CNTN6: variants seen among roughly 807,000 people sequenced by gnomAD.
The protein encoded by CNTN6 is contactin 6.
A neutral mutation model predicts 122.8 loss-of-function variants in CNTN6; 137 were observed. The observed-to-expected ratio is 1.12, with a 90% CI of 0.97 to 1.29. CNTN6 has a LOEUF of 1.29. CNTN6 is among the 50% of genes most tolerant of loss of function. CNTN6 has a pLI of 0.00. For synonymous variants in CNTN6, 570 were observed against 426.0 expected (o/e 1.34, Z -4.16); for missense variants, 1,634 against 1,223.4 (o/e 1.34, Z -5.01).
intron 2 of CNTN6, among the ~76,000 whole-genome samples, chr3:1,162,122 C>A (rs1442186178): frequency 1.3e-5 from 2 of 152,098 alleles, no homozygotes; most frequent in Non-Finnish European, 2.9e-5. Context: ...GCTCACTTTG[C>A]CAGAAGCTCA....
At chr3:1,177,545 T>C (rs2093473530) in intron 2 of CNTN6, among the ~76,000 whole-genome samples, 1 of 152,134 alleles carries the variant, frequency 6.6e-6, no homozygotes, top group Non-Finnish European at 1.5e-5. Context: ...CCTGAAGAAA[T>C]TTTTAAAATA....
At chr3:1,303,481 G>C (rs530163713) in intron 7 of CNTN6, among the ~76,000 whole-genome samples, 1 of 152,142 alleles carries the variant, frequency 6.6e-6, no homozygotes, top group African/African-American at 2.4e-5. Context: ...ATTTTAGCTA[G>C]TACCTTTGCT....
intron 5 of CNTN6, among the ~76,000 whole-genome samples, chr3:1,289,631 C>T (rs1451083748): frequency 6.6e-6 from 1 of 151,776 alleles, no homozygotes; most frequent in Non-Finnish European, 1.5e-5. Flanking sequence ...TGTGATGATG[C>T]AGAGGAGACT....
intron 6 of CNTN6, among the ~76,000 whole-genome samples, chr3:1,296,595 G>A (rs1225089246): frequency 6.6e-6 from 1 of 152,132 alleles, no homozygotes; most frequent in African/African-American, 2.4e-5. Flanking sequence ...TCTCCCCTCT[G>A]AAGAGTTGAA....
At chr3:1,103,064 C>T (rs889588529) in intron 1 of CNTN6, among the ~76,000 whole-genome samples, 10 of 151,932 alleles carry the variant, frequency 6.6e-5, no homozygotes, top group African/African-American at 2.4e-4. Flanking sequence ...CAAGATGGCG[C>T]CACCGCACTC....
intron 1 of CNTN6, among the ~76,000 whole-genome samples, chr3:1,098,804 ATATATATATATATAGT>A (rs1272598169): frequency 1.5e-5 from 2 of 129,334 alleles, no homozygotes; most frequent in African/African-American, 7.0e-5. Flanking sequence ...ATATATATAT[ATATATATATATATAGT>A]GGGAAATTTT....
chr3:1,316,082 C>T (rs956960837), intron 7 of CNTN6, among the ~76,000 whole-genome samples: 3 of 151,912 alleles, frequency 2.0e-5, no homozygotes, highest in Non-Finnish European at 2.9e-5. Context: ...AACACTCAAA[C>T]ATATTGTTTA....
rs752981481 is a variant in CNTN6, at chr3:1,297,951, A to T, written c.721A>T (p.Lys241Ter). The change falls in exon 7 of 23, where the codon AAG becomes TAG. Residue 241 changes from lysine (K) to a stop codon, truncating the protein, a stop_gained. Coordinates refer to ENST00000446702, the MANE Select transcript of CNTN6 (RefSeq NM_001289080.2). LOFTEE classifies it high-confidence loss of function. ...TTTTCCTGAAACTATACAAGCTGCA[A>T]AGGATTCATCTGTAAAACTGGAATG... ...VRFPETIQAA[K>*]DSSVKLECFA... 2 of 1,612,794 alleles carry T rather than the reference A, an allele frequency of 1.2e-6. No homozygotes were observed. Among genetic ancestry groups the T allele is most frequent in the Admixed American group, 3.3e-5 (2 of 59,968 alleles).
At chr3:1,128,866 T>C (rs1412636445) in intron 1 of CNTN6, among the ~76,000 whole-genome samples, 2 of 152,054 alleles carry the variant, frequency 1.3e-5, no homozygotes, top group African/African-American at 4.8e-5. Flanking sequence ...CTTTTAATAG[T>C]TCAAGCTTTC....
At chr3:1,301,320 C>A (rs1697376100) in intron 7 of CNTN6, among the ~76,000 whole-genome samples, 1 of 152,048 alleles carries the variant, frequency 6.6e-6, no homozygotes, top group Middle Eastern at 3.2e-3. Context: ...CAAGCGTGAG[C>A]CACTGTGCCC....
At position 1,243,460 on chromosome 3, in the gene CNTN6, G is replaced by A. The variant is rs552446713; in HGVS notation, c.358+15467G>A. 4.3e-3 allele frequency among the ~76,000 whole-genome samples: 658 copies of A among 152,180 alleles called. 33 individuals carry two copies. The highest frequency in any genetic ancestry group is 0.036 in the Admixed American group (553 of 15,278). On this transcript the variant is annotated intron_variant, in intron 4 of 22. Transcript: ENST00000446702. The stretch of plus-strand genomic sequence containing the variant: ...AATCCTGTTGTGGGGTTTGAGGGCC[G>A]GAATTTAATTTTTGGAGTTTTATTT...
chr3:1,096,484 C>G (rs943170778), intron 1 of CNTN6, among the ~76,000 whole-genome samples: 10 of 152,162 alleles, frequency 6.6e-5, no homozygotes, highest in Admixed American at 1.3e-4. Context: ...TGTTGTATCT[C>G]ATTTGTCTAC....
chr3:1,212,166 A>G (rs943726482), intron 2 of CNTN6, among the ~76,000 whole-genome samples: 2 of 151,930 alleles, frequency 1.3e-5, no homozygotes, highest in African/African-American at 4.8e-5. Flanking sequence ...AATATTGTAC[A>G]ATTTTCATAT....
At chr3:1,400,437 G>T (rs1018753350) in intron 20 of CNTN6, among the ~76,000 whole-genome samples, 2 of 152,034 alleles carry the variant, frequency 1.3e-5, no homozygotes, top group African/African-American at 4.8e-5. Context: ...TACTTTAGAA[G>T]CCAGATTCTA....
chr3:1,115,087 A>T (rs73103502), intron 1 of CNTN6, among the ~76,000 whole-genome samples: 8,583 of 152,250 alleles, frequency 0.056, 820 homozygotes, highest in African/African-American at 0.19. Context: ...GACCAAAAAA[A>T]TAGCAGAAAG....
At chr3:1,136,939 G>T (rs2092490469) in intron 1 of CNTN6, among the ~76,000 whole-genome samples, 2 of 152,186 alleles carry the variant, frequency 1.3e-5, no homozygotes, top group South Asian at 2.1e-4. Context: ...CCGTGAAGAT[G>T]AAATGAGGCA....
chr3:1,177,803 G>GT (rs1371795015), intron 2 of CNTN6, among the ~76,000 whole-genome samples: 2 of 150,672 alleles, frequency 1.3e-5, no homozygotes, highest in East Asian at 3.9e-4. Flanking sequence ...TTCTTTATTG[G>GT]TAAGATTTTC....
intron 1 of CNTN6, among the ~76,000 whole-genome samples, chr3:1,099,233 C>T (rs951679284): frequency 7.2e-5 from 11 of 151,976 alleles, no homozygotes; most frequent in East Asian, 1.9e-4. Flanking sequence ...GGGCGGATCA[C>T]GAGGTCAGGA....
Position 1,278,528 on chromosome 3 carries a change from G to T in CNTN6, c.454+20G>T. On this transcript the variant is annotated intron_variant, in intron 5 of 22. Transcript: ENST00000446702. ...TTGGAGGTATGATGGGGTGATTTGG[G>T]TCATATCATCAATGCGGTCACTTGG... 6.4e-7 allele frequency: 1 copy of T among 1,563,884 alleles called. No homozygotes were observed. Among genetic ancestry groups the T allele is most frequent in the Non-Finnish European group, 8.8e-7 (1 of 1,137,124 alleles).
Sources: allele counts gnomAD v4.1 joint callset (sites outside exome capture counted in the v4.1 genomes callset), GRCh38; gene constraint gnomAD v4.1.1; transcripts MANE v1.5; gene names NCBI Gene and HGNC (gene_info 2026-07-23, HGNC 2026-07-21).